The following NTAQ1 variants were observed in gnomAD, a reference collection of about 807,000 sequenced individuals.
NTAQ1 encodes the protein N-terminal glutamine amidase 1.
A neutral mutation model predicts 28.2 loss-of-function variants in NTAQ1; 21 were observed. The ratio of observed to expected loss-of-function variants is 0.74; its 90% CI spans 0.53 to 1.07. NTAQ1 has a LOEUF of 1.07. NTAQ1 is among the 50% of genes least tolerant of loss of function. NTAQ1 has a pLI of 0.00. For missense variants in NTAQ1, 264 were observed against 256.6 expected (o/e 1.03, Z -0.20); for synonymous variants, 105 against 90.0 (o/e 1.17, Z -0.94).
intron 1 of NTAQ1, among the ~76,000 whole-genome samples, chr8:123,427,526 C>A (rs1029216073): frequency 1.3e-5 from 2 of 152,146 alleles, no homozygotes; most frequent in African/African-American, 4.8e-5. Context: ...CCTCGGCCTC[C>A]CAAAGTGCTG....
chr8:123,440,612 G>C (rs554878624), intron 5 of NTAQ1, among the ~76,000 whole-genome samples: 70 of 150,468 alleles, frequency 4.7e-4, no homozygotes, highest in Non-Finnish European at 7.8e-4. Context: ...CAATTCTCCT[G>C]TCTCAGCCTC....
At chr8:123,460,186 A>T (rs1001667365) in intron 6 of NTAQ1, among the ~76,000 whole-genome samples, 5 of 152,198 alleles carry the variant, frequency 3.3e-5, no homozygotes, top group Admixed American at 3.3e-4. Context: ...AGAACCCCTA[A>T]TGACAGATAA....
intron 6 of NTAQ1, among the ~76,000 whole-genome samples, chr8:123,456,633 G>A (rs116898781): frequency 0.018 from 2,739 of 152,252 alleles, 41 homozygotes; most frequent in Non-Finnish European, 0.03. Flanking sequence ...TTGCCTCAGG[G>A]GAAACAAGAG....
In NTAQ1 at chr8:123,441,402, G is replaced by T; in HGVS notation, c.605G>T (p.Ser202Ile). 1 of 1,607,180 alleles carries T rather than the reference G, an allele frequency of 6.2e-7. No homozygotes were observed. The highest frequency in any genetic ancestry group is 8.5e-7 in the Non-Finnish European group (1 of 1,176,514). ...TLSEFTHRFG[S>I]KNC Reference sequence around the variant, plus strand: ...TCCGAATTTACACATCGGTTTGGCAGTAAAAACTGCTGAACTTGGTCTCAA... The same window carrying T: ...TCCGAATTTACACATCGGTTTGGCATTAAAAACTGCTGAACTTGGTCTCAA... The change falls in exon 6 of 6, where the codon AGT becomes ATT. Residue 202 changes from serine to isoleucine, a missense_variant. Ser to Ile is a moderately radical substitution (Grantham distance 142). Coordinates refer to ENST00000287387, the MANE Select transcript of NTAQ1 (RefSeq NM_018024.3).
chr8:123,443,728 G>C (rs1047536372), downstream of NTAQ1, among the ~76,000 whole-genome samples: 34 of 152,150 alleles, frequency 2.2e-4, no homozygotes, highest in African/African-American at 8.2e-4. Flanking sequence ...GCGTGCCACA[G>C]TGCCCAGCTA....
downstream of NTAQ1, among the ~76,000 whole-genome samples, chr8:123,443,115 G>A (rs1337231616): frequency 2.0e-5 from 3 of 151,416 alleles, no homozygotes; most frequent in Admixed American, 6.6e-5. Flanking sequence ...TGCCTCCCAG[G>A]TTCAAACGAT....
chr8:123,454,703 T>C (rs1200493586), intron 6 of NTAQ1, among the ~76,000 whole-genome samples: 1 of 152,190 alleles, frequency 6.6e-6, no homozygotes, highest in Non-Finnish European at 1.5e-5. Context: ...CTACATCTTA[T>C]GGGACAGAAC....
chr8:123,475,310 C>T, the NTAQ1 span, among the ~76,000 whole-genome samples: 1 of 152,016 alleles, frequency 6.6e-6, no homozygotes, highest in South Asian at 2.1e-4. Flanking sequence ...TTTCTTTGCC[C>T]CAACCATGGA....
intron 1 of NTAQ1, among the ~76,000 whole-genome samples, chr8:123,425,008 T>C (rs1813957203): frequency 6.6e-6 from 1 of 152,206 alleles, no homozygotes; most frequent in East Asian, 1.9e-4. Context: ...ATTGTCTTCT[T>C]CAAACCTGGC....
At chr8:123,456,891 A>C (rs949927484) in intron 6 of NTAQ1, among the ~76,000 whole-genome samples, 1 of 152,176 alleles carries the variant, frequency 6.6e-6, no homozygotes, top group Non-Finnish European at 1.5e-5. Flanking sequence ...TATCTTACAG[A>C]TATATACTGC....
chr8:123,430,070 G>A, intron 3 of NTAQ1, 37 bp downstream of exon 3: 1 of 1,542,560 alleles, frequency 6.5e-7, no homozygotes, highest in Non-Finnish European at 8.9e-7. Context: ...GACGCATTAT[G>A]ACTTGTAACC....
Position 123,436,454 on chromosome 8 carries a change from A to C in NTAQ1, c.236A>C (p.Asp79Ala). ...AACTTCAGCAACTTTTACTTTTAGG[A>C]TTACCATGTTGTTTTGCTTCATGTT... ...ARPGDGPVIW[D>A]YHVVLLHVSS... is the part of the protein sequence containing the mutation. Residue 79 changes from aspartate (D) to alanine (A), a missense_variant and splice_region_variant, in exon 4 of 6, where the codon GAT (aspartate) becomes GCT (alanine). By Grantham distance (126) the Asp-to-Ala change is moderately radical (BLOSUM62 -2). Transcript: ENST00000287387. 1 of 1,612,040 alleles carries C rather than the reference A, an allele frequency of 6.2e-7. No individual in the cohort carries two copies.
chr8:123,458,653 G>T (rs990107806), intron 6 of NTAQ1, among the ~76,000 whole-genome samples: 1 of 150,132 alleles, frequency 6.7e-6, no homozygotes, highest in Non-Finnish European at 1.5e-5. Context: ...TCGGAGTCTC[G>T]TTCTGTTGCC....
In NTAQ1 at chr8:123,420,004, A is replaced by T. The variant is rs551747232; in HGVS notation, c.83+3072A>T. ...GTGTTGGGGGTTTGGTGTACAAATT[A>T]TTTTGTCACCCAGATAGTGAGCATA... On this transcript the variant is annotated intron_variant, in intron 1 of 5. Coordinates refer to ENST00000287387, the MANE Select transcript of NTAQ1 (RefSeq NM_018024.3). 8.6e-5 allele frequency among the ~76,000 whole-genome samples: 13 copies of T among 151,932 alleles called. No homozygotes were observed. The East Asian group carries it at 2.5e-3, about 29-fold the overall frequency.
chr8:123,464,007 T>C (rs961922120), intron 6 of NTAQ1, among the ~76,000 whole-genome samples: 3 of 152,220 alleles, frequency 2.0e-5, no homozygotes. Context: ...CCCCCGCACA[T>C]GCTGTCTTGC....
the NTAQ1 span, among the ~76,000 whole-genome samples, chr8:123,475,181 C>T: frequency 2.0e-5 from 3 of 152,148 alleles, no homozygotes; most frequent in African/African-American, 7.2e-5. Context: ...CCAGTGGTTC[C>T]AGCTCTGGGC....
downstream of NTAQ1, among the ~76,000 whole-genome samples, chr8:123,446,783 A>G (rs897822568): frequency 1.3e-5 from 2 of 152,168 alleles, no homozygotes; most frequent in African/African-American, 2.4e-5. Context: ...TGCTCCAACT[A>G]TGAACTTAGG....
At chr8:123,434,316 T>G (rs13252103) in intron 3 of NTAQ1, among the ~76,000 whole-genome samples, 55,064 of 151,890 alleles carry the variant, frequency 0.36, 10,096 homozygotes, top group East Asian at 0.56. Flanking sequence ...ATAGAATAGA[T>G]AATGTGTGGT....
chr8:123,435,516 C>G, intron 3 of NTAQ1: 1 of 985,402 alleles, frequency 1.0e-6, no homozygotes, highest in Non-Finnish European at 1.2e-6. Flanking sequence ...CATTCACATG[C>G]ATGCAAATGT....
Sources: allele counts gnomAD v4.1 joint callset (sites outside exome capture counted in the v4.1 genomes callset), GRCh38; gene constraint gnomAD v4.1.1; transcripts MANE v1.5; gene names NCBI Gene and HGNC (gene_info 2026-07-23, HGNC 2026-07-21).